Variants in FAT3 observed in about 807,000 individuals in gnomAD.
FAT3 encodes the protein FAT atypical cadherin 3, also known as protocadherin Fat 3.
A neutral mutation model predicts 310.2 loss-of-function variants in FAT3; 95 were observed. The ratio of observed to expected loss-of-function variants is 0.31; its 90% CI spans 0.26 to 0.36. The LOEUF is 0.36. FAT3 is among the 10% of genes least tolerant of loss of function. The probability of loss-of-function intolerance (pLI) is 1.00; values close to 1 mark genes in which losing one functional copy is unlikely to be tolerated. For synonymous variants in FAT3, 2,314 were observed against 2,192.9 expected, an observed-to-expected ratio of 1.06 and a Z score of -1.54; for missense variants, 5,408 against 5,715.6, an observed-to-expected ratio of 0.95 and a Z score of 1.74.
At chr11:92,631,493 T>C (rs1423480457) in intron 3 of FAT3, among the ~76,000 whole-genome samples, 1 of 152,004 alleles carries the variant, frequency 6.6e-6, no homozygotes, top group Non-Finnish European at 1.5e-5. Context: ...AGTGAGTGAG[T>C]TCTCATGACA....
At chr11:92,478,597 A>G (rs1170333584) in intron 2 of FAT3, among the ~76,000 whole-genome samples, 1 of 151,696 alleles carries the variant, frequency 6.6e-6, no homozygotes, top group Non-Finnish European at 1.5e-5. Context: ...GATAAACAGA[A>G]ACGATGCACT....
At chr11:92,331,683 A>C (rs547462080) in intron 1 of FAT3, among the ~76,000 whole-genome samples, 3 of 152,354 alleles carry the variant, frequency 2.0e-5, no homozygotes, top group Admixed American at 1.3e-4. Flanking sequence ...AACACAATGT[A>C]GTCTAAAGTA....
chr11:92,316,385 C>A (rs1310978105), intron 1 of FAT3, among the ~76,000 whole-genome samples: 7 of 152,050 alleles, frequency 4.6e-5, no homozygotes, highest in Non-Finnish European at 7.4e-5. Context: ...GAAATATATA[C>A]AAAATGCATA....
chr11:92,648,921 C>T (rs1487350110), intron 3 of FAT3, among the ~76,000 whole-genome samples: 1 of 152,166 alleles, frequency 6.6e-6, no homozygotes, highest in Non-Finnish European at 1.5e-5. Flanking sequence ...ATTACTTCCT[C>T]CAGAACTGAA....
chr11:92,229,851 A>G (rs947591101), intron 1 of FAT3, among the ~76,000 whole-genome samples: 1 of 149,826 alleles, frequency 6.7e-6, no homozygotes, highest in Non-Finnish European at 1.5e-5. Context: ...GAATGGATTA[A>G]CTGGCATGAT....
intron 7 of FAT3, among the ~76,000 whole-genome samples, chr11:92,783,786 TA>T (rs1946819183): frequency 6.6e-6 from 1 of 152,170 alleles, no homozygotes; most frequent in Non-Finnish European, 1.5e-5. Context: ...CCCTGTCTCA[TA>T]AAATAATAAA....
chr11:92,466,550 CAT>C (rs2135130610), intron 2 of FAT3, among the ~76,000 whole-genome samples: 1 of 151,738 alleles, frequency 6.6e-6, no homozygotes, highest in Admixed American at 6.6e-5. Flanking sequence ...CTCCATTCCG[CAT>C]ATCTTTTTTT....
At chr11:92,740,490 T>G (rs949805906) in intron 4 of FAT3, among the ~76,000 whole-genome samples, 1 of 152,202 alleles carries the variant, frequency 6.6e-6, no homozygotes, top group Non-Finnish European at 1.5e-5. Context: ...CTGCCTCCCC[T>G]GTTGAAAAGT....
chr11:92,726,048 G>A (rs561468378), intron 4 of FAT3, among the ~76,000 whole-genome samples: 24 of 152,166 alleles, frequency 1.6e-4, no homozygotes, highest in African/African-American at 5.3e-4. Context: ...ATATCTCAAT[G>A]ACACTGATTT....
At chr11:92,828,809 C>G (rs1007663196) in intron 13 of FAT3, among the ~76,000 whole-genome samples, 3 of 152,180 alleles carry the variant, frequency 2.0e-5, no homozygotes, top group Non-Finnish European at 4.4e-5. Flanking sequence ...AATGCAGAAT[C>G]TCCTGCCTAG....
chr11:92,644,794 C>T (rs759832455), intron 3 of FAT3, among the ~76,000 whole-genome samples: 1 of 152,172 alleles, frequency 6.6e-6, no homozygotes, highest in Non-Finnish European at 1.5e-5. Context: ...TTAATTGAAG[C>T]GGCTGCCACA....
chr11:92,550,199 A>T (rs993868653), intron 3 of FAT3, among the ~76,000 whole-genome samples: 1 of 152,178 alleles, frequency 6.6e-6, no homozygotes, highest in Non-Finnish European at 1.5e-5. Context: ...AGGTGTATGT[A>T]TTTGAGTTCC....
At chr11:92,843,459 C>A (rs1400568855) in intron 18 of FAT3, among the ~76,000 whole-genome samples, 3 of 152,202 alleles carry the variant, frequency 2.0e-5, no homozygotes, top group Non-Finnish European at 4.4e-5. Context: ...TTATTTGAAA[C>A]CTTACCATGA....
chr11:92,549,105 G>A (rs1021123534), intron 3 of FAT3, among the ~76,000 whole-genome samples: 2 of 152,132 alleles, frequency 1.3e-5, no homozygotes, highest in African/African-American at 2.4e-5. Flanking sequence ...TCTTCTGGGT[G>A]CCAAATGGTT....
chr11:92,384,866 T>C (rs907390761), intron 2 of FAT3, among the ~76,000 whole-genome samples: 1 of 152,196 alleles, frequency 6.6e-6, no homozygotes, highest in African/African-American at 2.4e-5. Flanking sequence ...AGCTTATCTG[T>C]AAATTTAGTT....
chr11:92,311,396 G>T (rs1301997535), intron 1 of FAT3, among the ~76,000 whole-genome samples: 2 of 152,120 alleles, frequency 1.3e-5, no homozygotes, highest in South Asian at 4.1e-4. Context: ...TACAACACTT[G>T]TGATGTGTGT....
chr11:92,408,991 C>A (rs988734589), intron 2 of FAT3, among the ~76,000 whole-genome samples: 12 of 152,076 alleles, frequency 7.9e-5, no homozygotes, highest in African/African-American at 2.9e-4. Flanking sequence ...AAATATTTTT[C>A]TTTAATAATC....
chr11:92,606,266 A>C (rs993026193), intron 3 of FAT3, among the ~76,000 whole-genome samples: 2 of 152,188 alleles, frequency 1.3e-5, no homozygotes, highest in Non-Finnish European at 2.9e-5. Context: ...CTTCTAAAGA[A>C]TTACTAGGGA....
Position 92,462,808 on chromosome 11 carries a change from A to T in FAT3, c.3293-61826A>T, listed in dbSNP as rs536668874. Among the ~76,000 whole-genome samples the T allele has an allele frequency of 7.2e-5, 11 of 152,334 alleles. No individual in the cohort carries two copies. The South Asian group carries it at 1.9e-3, about 26-fold the overall frequency. ...TTAGGAATTGAAATTCCTACAATAT[A>T]TAAGAGGTTAATAAAAAAGTGTTTG... On this transcript the variant is annotated intron_variant, in intron 2 of 27. Coordinates refer to ENST00000525166, the MANE Select transcript of FAT3 (RefSeq NM_001367949.2).
Sources: gnomAD v4.1 joint callset for allele counts (sites outside exome capture counted in the v4.1 genomes callset) on GRCh38, gnomAD v4.1.1 for gene constraint, MANE v1.5 for transcripts, NCBI Gene and HGNC (gene_info 2026-07-23, HGNC 2026-07-21) for gene names.